Variants in HADHA observed in about 807,000 individuals in gnomAD.
HADHA encodes trifunctional enzyme subunit alpha, mitochondrial.
HADHA carries 59 observed loss-of-function variants against 91.3 expected under a neutral mutation model. That is an observed-to-expected ratio of 0.65 (90% CI 0.52 to 0.80). HADHA has a LOEUF of 0.80. HADHA is among the 30% of genes least tolerant of loss of function. The probability of loss-of-function intolerance (pLI) is 0.00; values close to 1 mark genes in which losing one functional copy is unlikely to be tolerated. For missense variants in HADHA, 800 were observed against 927.6 expected, an observed-to-expected ratio of 0.86 and a Z score of 1.79; for synonymous variants, 320 against 338.9, an observed-to-expected ratio of 0.94 and a Z score of 0.61.
rs191861065 is a variant in HADHA at position 26,238,540 on chromosome 2, C to T, written c.180+394G>A. On this transcript the variant is annotated intron_variant, in intron 3 of 19. Coordinates refer to ENST00000380649, the MANE Select transcript of HADHA (RefSeq NM_000182.5). Reference sequence around the variant, plus strand: ...AGCCAAGTATCCACATTTCACTCAGCCAACTTACTATGAATAGTGACTTAT... The same window carrying T: ...AGCCAAGTATCCACATTTCACTCAGTCAACTTACTATGAATAGTGACTTAT... 1.1e-3 allele frequency among the ~76,000 whole-genome samples: 169 copies of T among 152,274 alleles called. 1 individual carries two copies. The highest frequency in any genetic ancestry group is 3.9e-3 in the African/African-American group (162 of 41,562).
chr2:26,226,515 A>C (rs951373672), intron 7 of HADHA, among the ~76,000 whole-genome samples: 3 of 152,218 alleles, frequency 2.0e-5, no homozygotes, highest in Non-Finnish European at 1.5e-5. Flanking sequence ...CAATTGGCCC[A>C]AACAGATAAG....
At chr2:26,197,162 C>T (rs77761189) in intron 14 of HADHA, among the ~76,000 whole-genome samples, 1 of 152,216 alleles carries the variant, frequency 6.6e-6, no homozygotes, top group African/African-American at 2.4e-5. Flanking sequence ...AATGATTTCA[C>T]TTCCCCTTAA....
At chr2:26,205,192 T>C (rs1013542442) in intron 11 of HADHA, among the ~76,000 whole-genome samples, 1 of 152,202 alleles carries the variant, frequency 6.6e-6, no homozygotes, top group African/African-American at 2.4e-5. Context: ...TAATTTGCCA[T>C]ATTCCCATAG....
At chr2:26,203,900 T>C (rs1382683194) in intron 12 of HADHA, among the ~76,000 whole-genome samples, 162 bp downstream of exon 12, 2 of 152,104 alleles carry the variant, frequency 1.3e-5, no homozygotes, top group East Asian at 3.9e-4. Context: ...CAAAAGAAAC[T>C]TGGCTTCACT....
At position 26,208,478 on chromosome 2, in the gene HADHA, C is replaced by T. The variant is rs779816976; in HGVS notation, c.1085+1302G>A. On this transcript the variant is annotated intron_variant, in intron 11 of 19. Transcript: ENST00000380649. ...ACTAGGTTTTTTAATTTAAGAGTACCCTCTTCTGTTGCAAAGTGCAGTTTC... is the reference window on the plus strand; with the variant it reads ...ACTAGGTTTTTTAATTTAAGAGTACTCTCTTCTGTTGCAAAGTGCAGTTTC... Among the ~76,000 whole-genome samples, 4 of 152,026 alleles carry T rather than the reference C, an allele frequency of 2.6e-5. No individual in the cohort carries two copies. The East Asian group carries it at 7.7e-4, about 29-fold the overall frequency.
chr2:26,241,663 C>T (rs939426405), intron 1 of HADHA, among the ~76,000 whole-genome samples: 1 of 151,344 alleles, frequency 6.6e-6, no homozygotes, highest in Non-Finnish European at 1.5e-5. Context: ...AAAAAAAAAC[C>T]GAAAAAACAA....
chr2:26,210,919 T>A lies in HADHA; in HGVS notation c.976-1030A>T, dbSNP rs1468164525. ...GTCTCAAGGTTAGCTATTATTAATA[T>A]CACTAGGATATAATGGTAAGATTGC... On this transcript the variant is annotated intron_variant, in intron 10 of 19. Coordinates refer to ENST00000380649, the MANE Select transcript of HADHA (RefSeq NM_000182.5). This position sits in a 1 kb window ranked among gnomAD's most constrained non-coding sequence, Gnocchi z 4.0. 1 of 152,226 alleles carries A rather than the reference T, an allele frequency of 6.6e-6. No homozygotes were observed. Among genetic ancestry groups the A allele is most frequent in the Non-Finnish European group, 1.5e-5 (1 of 68,044 alleles). The allele number at this position is 152,226 out of a possible 1,614,324, so 9.4% of individuals were successfully genotyped here.
intron 9 of HADHA, among the ~76,000 whole-genome samples, chr2:26,213,303 G>C (rs1197305345): frequency 1.3e-5 from 2 of 152,128 alleles, no homozygotes; most frequent in Admixed American, 6.5e-5. Flanking sequence ...TGGATTATCA[G>C]GACAGTTTTG....
chr2:26,216,843 A>C (rs868002409), intron 7 of HADHA, among the ~76,000 whole-genome samples: 70 of 152,282 alleles, frequency 4.6e-4, no homozygotes, highest in African/African-American at 1.5e-3. Context: ...CTGGCCGAGT[A>C]TTGTTCTGCA....
chr2:26,223,538 T>C (rs1190906651), intron 7 of HADHA, among the ~76,000 whole-genome samples: 1 of 152,132 alleles, frequency 6.6e-6, no homozygotes, highest in Non-Finnish European at 1.5e-5. Flanking sequence ...ACACCAAACC[T>C]GGTACACAGC....
intron 7 of HADHA, among the ~76,000 whole-genome samples, chr2:26,216,317 ATTT>A (rs11406704): frequency 2.7e-5 from 3 of 110,188 alleles, no homozygotes; most frequent in Non-Finnish European, 3.5e-5. Flanking sequence ...CATTTGACCT[ATTT>A]TTTTTTTTTT....
intron 6 of HADHA, among the ~76,000 whole-genome samples, chr2:26,231,102 A>AG (rs1400259360): frequency 6.6e-6 from 1 of 152,084 alleles, no homozygotes; most frequent in East Asian, 1.9e-4. Context: ...CTATAGTTTA[A>AG]GAAAAAAAAA....
At chr2:26,191,957 C>G (rs1388452006) in intron 18 of HADHA, among the ~76,000 whole-genome samples, 12 of 152,178 alleles carry the variant, frequency 7.9e-5, no homozygotes. Flanking sequence ...GAGAATCTGT[C>G]CTTCCAGCGG....
rs1669534980 is a variant in HADHA at position 26,192,400 on chromosome 2, T to G, written c.1910A>C (p.Tyr637Ser). The change falls in exon 18 of 20, where the codon TAC becomes TCC. Residue 637 changes from tyrosine to serine, a missense_variant. By Grantham distance (144) the Tyr-to-Ser change is moderately radical. Coordinates refer to ENST00000380649, the MANE Select transcript of HADHA (RefSeq NM_000182.5). ...FLGRKSGKGF[Y>S]IYQEGVKRKD... The stretch of plus-strand genomic sequence containing the variant: ...CCTCTTCACACCCTCCTGATAGATG[T>G]AAAAGCCCTTCCCAGATTTACGACC... The G allele has an allele frequency of 6.3e-7, 1 of 1,598,968 alleles. No individual in the cohort carries two copies. Among genetic ancestry groups the G allele is most frequent in the Admixed American group, 1.7e-5 (1 of 59,990 alleles).
In HADHA at chr2:26,229,658, G is replaced by A. The variant is rs1175894974; in HGVS notation, c.676+534C>T. Among the ~76,000 whole-genome samples the A allele has an allele frequency of 6.6e-6, 1 of 152,098 alleles. No individual in the cohort carries two copies. The highest frequency in any genetic ancestry group is 1.5e-5 in the Non-Finnish European group (1 of 68,006). ...ATTTAAGAACCAAAAATAATGACTT[G>A]ACTGAATTCTGTACTCCTAATGTTC... On this transcript the variant is annotated intron_variant, in intron 7 of 19. Transcript: ENST00000380649. This position sits in a 1 kb window ranked among gnomAD's most constrained non-coding sequence, Gnocchi z 4.3.
chr2:26,243,326 A>C (rs919804196), intron 1 of HADHA: 4 of 152,200 alleles, frequency 2.6e-5, no homozygotes, highest in Admixed American at 2.6e-4. Flanking sequence ...GGGGAAAAAA[A>C]CCACCAAACC....
intron 11 of HADHA, 107 bp downstream of exon 11, chr2:26,209,673 G>A (rs1670048173): frequency 1.3e-6 from 1 of 769,300 alleles, no homozygotes; most frequent in Admixed American, 1.8e-5. Context: ...GAAGTTGAGG[G>A]CAAGACTGAA....
At chr2:26,239,382 G>T (rs1014261443) in intron 1 of HADHA, among the ~76,000 whole-genome samples, 1 of 152,198 alleles carries the variant, frequency 6.6e-6, no homozygotes, top group Non-Finnish European at 1.5e-5. Context: ...CCCAGAACCT[G>T]TGAATATGTT....
intron 14 of HADHA, among the ~76,000 whole-genome samples, chr2:26,195,845 C>G (rs1388293612): frequency 6.6e-6 from 1 of 152,198 alleles, no homozygotes; most frequent in Non-Finnish European, 1.5e-5. Flanking sequence ...GAATCAGAAA[C>G]TCCATGGGTG....
Sources: allele counts gnomAD v4.1 joint callset (sites outside exome capture counted in the v4.1 genomes callset), GRCh38; gene constraint gnomAD v4.1.1; non-coding constraint Gnocchi (gnomAD v3.1); transcripts MANE v1.5; gene names NCBI Gene and HGNC (gene_info 2026-07-23, HGNC 2026-07-21).